The following HSPA4 variants were observed in gnomAD, a reference collection of about 807,000 sequenced individuals.
HSPA4 encodes heat shock protein family A (Hsp70) member 4, also known as heat shock 70 kDa protein 4.
In HSPA4, 25 loss-of-function variants were observed where a neutral mutation model predicts 106.2. That is an observed-to-expected ratio of 0.24 (90% CI 0.17 to 0.33). The LOEUF is 0.33. Among genes scored for constraint, HSPA4 ranks in the 10% least tolerant of loss-of-function variants. The pLI, the probability that HSPA4 is intolerant of heterozygous loss-of-function variation, is 1.00. For synonymous variants in HSPA4, 332 were observed against 333.6 expected (o/e 1.00, Z 0.05); for missense variants, 841 against 996.0 (o/e 0.84, Z 2.10).
chr5:133,071,681 T>C (rs1765383655), intron 4 of HSPA4, among the ~76,000 whole-genome samples: 1 of 152,206 alleles, frequency 6.6e-6, no homozygotes, highest in African/African-American at 2.4e-5. Context: ...GGTGCATTGA[T>C]TGGCAAAGCA....
At position 133,096,123 on chromosome 5, in the gene HSPA4, A is replaced by G; in HGVS notation, c.1676A>G (p.Lys559Arg). The G allele has an allele frequency of 6.2e-7, 1 of 1,613,976 alleles. No individual in the cohort carries two copies. The highest frequency in any genetic ancestry group is 8.5e-7 in the Non-Finnish European group (1 of 1,179,904). ...ACCTCTCAAGCTGGATCCAAGGATAAAAAGATGGACCAACCACCCCAAGCC... is the reference window on the plus strand; with the variant it reads ...ACCTCTCAAGCTGGATCCAAGGATAGAAAGATGGACCAACCACCCCAAGCC... Reference protein sequence around the residue: ...METSQAGSKDKKMDQPPQAKK... With the variant: ...METSQAGSKDRKMDQPPQAKK... The change falls in exon 14 of 19, where the codon AAA (lysine) becomes AGA (arginine). Residue 559 changes from lysine (K) to arginine (R), a missense_variant. By Grantham distance (26) the Lys-to-Arg change is conservative (BLOSUM62 2). Around this residue, in one of 5 missense-constraint regions of HSPA4, gnomAD observed 328 missense variants for 372.2 expected, o/e 0.88. Coordinates refer to ENST00000304858, the MANE Select transcript of HSPA4 (RefSeq NM_002154.4).
chr5:133,074,478 A>G (rs1441831960), intron 6 of HSPA4, among the ~76,000 whole-genome samples: 2 of 152,046 alleles, frequency 1.3e-5, no homozygotes, highest in African/African-American at 4.8e-5. Context: ...GGGTTTATCC[A>G]TGTTGGTCAG....
rs1581485489 is a variant in HSPA4 at position 133,106,123 on chromosome 5, T to TGG, written c.*1687_*1688insGG. The TGG allele has an allele frequency of 9.9e-6, 1 of 100,698 alleles. No individual in the cohort carries two copies. The highest frequency in any genetic ancestry group is 9.7e-5 in the Admixed American group (1 of 10,306). The allele number at this position is 100,698 out of a possible 1,614,324, so 6.2% of individuals were successfully genotyped here. ...AAAAATTTTTTTTTTTTTTTTTTTT[T>TGG]TTTTTTTTTTTTTTTTTGGTGTGTG... is the stretch of plus-strand genomic sequence containing the variant. On this transcript the variant is annotated 3_prime_UTR_variant, in exon 19 of 19. Transcript: ENST00000304858.
At chr5:133,088,173 C>A (rs754992207) in intron 8 of HSPA4, among the ~76,000 whole-genome samples, 11 of 152,144 alleles carry the variant, frequency 7.2e-5, no homozygotes, top group Non-Finnish European at 1.2e-4. Flanking sequence ...TCCTGGCCCT[C>A]ACCTCCTAAA....
intron 1 of HSPA4, 34 bp downstream of exon 1, chr5:133,052,391 G>T: frequency 1.5e-6 from 2 of 1,334,188 alleles, no homozygotes; most frequent in Non-Finnish European, 2.0e-6. Flanking sequence ...CGTGCACTGG[G>T]GTTAGGAGAT....
chr5:133,067,512 T>C lies in HSPA4; in HGVS notation c.261T>C (p.Leu87=), dbSNP rs1765322753. 6.2e-7 allele frequency: 1 copy of C among 1,614,004 alleles called. No individual in the cohort carries two copies. The highest frequency in any genetic ancestry group is 8.5e-7 in the Non-Finnish European group (1 of 1,179,870). ...DPFVEAEKSN[L]AYDIVQLPTG... ...TTGTGGAGGCAGAAAAATCTAACCT[T>C]GCATATGATATTGTGCAGTTGCCTA... The change falls in exon 3 of 19, where the codon CTT becomes CTC. Residue 87 remains leucine, a synonymous_variant. Transcript: ENST00000304858.
At chr5:133,102,612 A>G (rs1223981409) in intron 17 of HSPA4, among the ~76,000 whole-genome samples, 2 of 152,212 alleles carry the variant, frequency 1.3e-5, no homozygotes, top group Non-Finnish European at 2.9e-5. Context: ...TCATTTAGCC[A>G]GAAGTCTGAC....
In HSPA4 at chr5:133,106,101, A is replaced by ATTTTTT. The variant is rs1765854579; in HGVS notation, c.*1665_*1666insTTTTTT. ...GGCCATTTCTTCTTAAAAAAAAAAA[A>ATTTTTT]ATTTTTTTTTTTTTTTTTTTTTTTT... is the stretch of plus-strand genomic sequence containing the variant. On this transcript the variant is annotated 3_prime_UTR_variant, in exon 19 of 19. Transcript: ENST00000304858. 7.5e-5 allele frequency: 6 copies of ATTTTTT among 80,234 alleles called. No homozygotes were observed. The highest frequency in any genetic ancestry group is 9.2e-4 in the South Asian group (2 of 2,166). The allele number at this position is 80,234 out of a possible 1,614,324, so 5.0% of individuals were successfully genotyped here. A position where few individuals can be genotyped will look rare whatever the true frequency, so the allele number is the denominator to read the frequency against.
intron 1 of HSPA4, among the ~76,000 whole-genome samples, chr5:133,057,632 T>C (rs933080652): frequency 6.6e-6 from 1 of 152,246 alleles, no homozygotes; most frequent in Admixed American, 6.5e-5. Flanking sequence ...CAGTAGTTTC[T>C]TTTAAGAAAA....
At chr5:133,071,702 G>A (rs1488584034) in intron 4 of HSPA4, among the ~76,000 whole-genome samples, 1 of 152,172 alleles carries the variant, frequency 6.6e-6, no homozygotes, top group Non-Finnish European at 1.5e-5. Flanking sequence ...AGGACTGTTA[G>A]GTGGCTTTTT....
chr5:133,077,003 A>G, intron 7 of HSPA4, 105 bp downstream of exon 7: 1 of 1,083,936 alleles, frequency 9.2e-7, no homozygotes, highest in Non-Finnish European at 1.3e-6. Context: ...GTTATATGAT[A>G]ATTTTGGTTC....
chr5:133,081,968 C>T (rs758593262), intron 7 of HSPA4, among the ~76,000 whole-genome samples: 15 of 152,154 alleles, frequency 9.9e-5, no homozygotes, highest in Non-Finnish European at 1.8e-4. Context: ...CAGAAAAACT[C>T]ATATGTGAAT....
At chr5:133,076,131 C>T (rs1328405698) in intron 6 of HSPA4, 2 of 153,512 alleles carry the variant, frequency 1.3e-5, no homozygotes, top group East Asian at 1.9e-4. Context: ...GATTTGAAAA[C>T]GGGTAACCCA....
At chr5:133,095,781 G>A (rs1488172562) in intron 13 of HSPA4, among the ~76,000 whole-genome samples, 5 of 152,128 alleles carry the variant, frequency 3.3e-5, no homozygotes, top group Non-Finnish European at 5.9e-5. Context: ...GATAGACATT[G>A]TGGTGTAACC....
intron 7 of HSPA4, among the ~76,000 whole-genome samples, chr5:133,080,290 T>G (rs1197829717): frequency 1.3e-5 from 2 of 151,630 alleles, no homozygotes; most frequent in Non-Finnish European, 2.9e-5. Context: ...TGGTGTTCGC[T>G]TGTAGTACCG....
At chr5:133,081,500 C>A (rs1765515030) in intron 7 of HSPA4, among the ~76,000 whole-genome samples, 1 of 151,908 alleles carries the variant, frequency 6.6e-6, no homozygotes, top group South Asian at 2.1e-4. Context: ...TAGGTAGGGC[C>A]CAGTTTGCTG....
rs779054867 is a variant in HSPA4, at chr5:133,073,408, C to G, written c.529+79C>G. 18 of 985,696 alleles carry G rather than the reference C, an allele frequency of 1.8e-5. No homozygotes were observed. The East Asian group carries it at 4.4e-4, about 24-fold the overall frequency. 61.1% of individuals were successfully genotyped at this position (985,696 alleles called of 1,614,324 possible). The stretch of plus-strand genomic sequence containing the variant: ...AATTTTAAAACCCTGGGGTTTCTTG[C>G]TCTTTATTTTGCTTTCAGCACTGCT... On this transcript the variant is annotated intron_variant, in intron 5 of 18. Transcript: ENST00000304858.
At chr5:133,052,601 C>T (rs1581460393) in intron 1 of HSPA4, among the ~76,000 whole-genome samples, 1 of 152,370 alleles carries the variant, frequency 6.6e-6, no homozygotes, top group East Asian at 1.9e-4. Flanking sequence ...AGAAAGGCTT[C>T]TGGCCGGTAC....
At position 133,073,304 on chromosome 5, in the gene HSPA4, G is replaced by A. The variant is rs1212657658; in HGVS notation, c.504G>A (p.Leu168=). The change falls in exon 5 of 19, where the codon TTG becomes TTA. Residue 168 remains leucine (L), a synonymous_variant. Coordinates refer to ENST00000304858, the MANE Select transcript of HSPA4 (RefSeq NM_002154.4). The part of the protein sequence containing the change: ...DATQIAGLNC[L]RLMNETTAVA... Reference sequence around the variant, plus strand: ...CACAGATTGCTGGTCTTAATTGCTTGCGATTAATGAATGAAACCACTGCAG... The same window carrying A: ...CACAGATTGCTGGTCTTAATTGCTTACGATTAATGAATGAAACCACTGCAG... 6.2e-7 allele frequency: 1 copy of A among 1,610,540 alleles called. No individual in the cohort carries two copies. Among genetic ancestry groups the A allele is most frequent in the Non-Finnish European group, 8.5e-7 (1 of 1,177,420 alleles).
Sources: allele counts gnomAD v4.1 joint callset (sites outside exome capture counted in the v4.1 genomes callset), GRCh38; gene constraint gnomAD v4.1.1; regional missense constraint gnomAD v4.1.1; transcripts MANE v1.5; gene names NCBI Gene and HGNC (gene_info 2026-07-23, HGNC 2026-07-21).